The following LRRC71 variants were observed in gnomAD, a reference collection of about 807,000 sequenced individuals.
LRRC71 encodes leucine-rich repeat-containing protein 71.
LRRC71 carries 54 observed loss-of-function variants against 66.6 expected under a neutral mutation model. The ratio of observed to expected loss-of-function variants is 0.81; its 90% CI spans 0.65 to 1.02. LRRC71 has a LOEUF of 1.02. Among genes scored for constraint, LRRC71 ranks in the 50% least tolerant of loss-of-function variants. The pLI, the probability that LRRC71 is intolerant of heterozygous loss-of-function variation, is 0.00. For missense variants in LRRC71, 724 were observed against 718.0 expected (o/e 1.01, Z -0.10); for synonymous variants, 323 against 303.9 (o/e 1.06, Z -0.65).
At chr1:156,929,220 G>GC in intron 9 of LRRC71, 60 bp from the exon 10 acceptor site, 1 of 1,542,996 alleles carries the variant, frequency 6.5e-7, no homozygotes, top group Non-Finnish European at 8.8e-7. Flanking sequence ...TACCTTTCAT[G>GC]CCCCCATTGA....
At chr1:156,928,563 C>CTTTTTTTTTT (rs58180096) in intron 9 of LRRC71, among the ~76,000 whole-genome samples, 2 of 80,220 alleles carry the variant, frequency 2.5e-5, no homozygotes, top group Non-Finnish European at 4.5e-5. Context: ...CTTCTTCTTA[C>CTTTTTTTTTT]TTTTTTTTTT....
chr1:156,934,029 C>T (rs73006684), downstream of LRRC71, among the ~76,000 whole-genome samples: 3,328 of 152,292 alleles, frequency 0.022, 102 homozygotes, highest in African/African-American at 0.069. Context: ...GTGGAGCCAG[C>T]TTCACCAGGG....
At chr1:156,936,485 A>AATAAAAATAAAAAAAAAAAAAT (rs1486013206), downstream of LRRC71, among the ~76,000 whole-genome samples, 1 of 75,408 alleles carries the variant, frequency 1.3e-5, no homozygotes, top group African/African-American at 6.1e-5. Flanking sequence ...AAATAGAAAA[A>AATAAAAATAAAAAAAAAAAAAT]AAAAAAAAAA....
At chr1:156,929,788 C>A in intron 11 of LRRC71, 59 bp downstream of exon 11, 1 of 1,435,506 alleles carries the variant, frequency 7.0e-7, no homozygotes, top group South Asian at 1.3e-5. Context: ...GAGTGCCGGG[C>A]CGGGTGCAGG....
chr1:156,938,828 C>T, the LRRC71 span: 3 of 360,772 alleles, frequency 8.3e-6, no homozygotes, highest in South Asian at 9.7e-5. Flanking sequence ...GGCCCACTAG[C>T]GTGGAACCCC....
chr1:156,927,084 G>A, intron 5 of LRRC71, 118 bp from the exon 6 acceptor site: 1 of 805,378 alleles, frequency 1.2e-6, no homozygotes, highest in Non-Finnish European at 2.0e-6. Flanking sequence ...ATATTGGGGG[G>A]GCAATCCTTT....
In LRRC71 at chr1:156,924,707, A is replaced by G. The variant is rs1283730216; in HGVS notation, c.504A>G (p.Leu168=). ...FSKCLPPLTQ[L]QAINLWKVGL... ...AATGTCTGCCCCCGCTTACCCAGCT[A>G]CAGGCCATCAAGTGAGAGGCACTGA... is the stretch of plus-strand genomic sequence containing the variant. The change falls in exon 4 of 15, where the codon CTA becomes CTG. Residue 168 remains leucine, a synonymous_variant. Coordinates refer to ENST00000337428, the MANE Select transcript of LRRC71 (RefSeq NM_144702.3). 11 of 1,551,660 alleles carry G rather than the reference A, an allele frequency of 7.1e-6. No individual in the cohort carries two copies. The highest frequency in any genetic ancestry group is 9.6e-6 in the Non-Finnish European group (11 of 1,146,994).
chr1:156,933,150 T>A, downstream of LRRC71: 1 of 548,306 alleles, frequency 1.8e-6, no homozygotes, highest in Admixed American at 3.4e-5. Context: ...TTTGCGTCTG[T>A]CCATGTTACA....
chr1:156,937,269 G>A (rs139504725), downstream of LRRC71: 9 of 1,613,828 alleles, frequency 5.6e-6, no homozygotes, highest in African/African-American at 1.3e-5. Context: ...TTGAGCTTGA[G>A]AGTGAGCTGC....
downstream of LRRC71, among the ~76,000 whole-genome samples, chr1:156,934,305 T>C (rs1654712572): frequency 6.6e-6 from 1 of 152,182 alleles, no homozygotes; most frequent in Non-Finnish European, 1.5e-5. Flanking sequence ...TTTGTCACTT[T>C]AATCCAACAC....
At chr1:156,921,503 T>A (rs1652362951) in intron 1 of LRRC71, 3 of 340,360 alleles carry the variant, frequency 8.8e-6, no homozygotes, top group Non-Finnish European at 1.2e-5. Flanking sequence ...AGCTTCGTCA[T>A]CACGGGGACA....
At position 156,927,281 on chromosome 1, in the gene LRRC71, C is replaced by T. The variant is rs1653344432; in HGVS notation, c.662+11C>T. ...GGCCTTGGACAGCACGTGAGACTCCCTGCCCTCACCCCCTTTCTCTGGGCC... is the reference window on the plus strand; with the variant it reads ...GGCCTTGGACAGCACGTGAGACTCCTTGCCCTCACCCCCTTTCTCTGGGCC... On this transcript the variant is annotated intron_variant, in intron 6 of 14. Transcript: ENST00000337428. 1 of 1,612,412 alleles carries T rather than the reference C, an allele frequency of 6.2e-7. No homozygotes were observed. The highest frequency in any genetic ancestry group is 8.5e-7 in the Non-Finnish European group (1 of 1,178,798).
At chr1:156,928,632 G>A (rs1269831464) in intron 9 of LRRC71, among the ~76,000 whole-genome samples, 3 of 133,224 alleles carry the variant, frequency 2.3e-5, no homozygotes, top group Non-Finnish European at 4.6e-5. Flanking sequence ...GAGCAGTGGT[G>A]TGATCTCGGT....
Position 156,924,487 on chromosome 1 carries a change from G to A in LRRC71, c.374G>A (p.Arg125Gln), listed in dbSNP as rs913176720. 3 of 1,551,358 alleles carry A rather than the reference G, an allele frequency of 1.9e-6. No individual in the cohort carries two copies. The highest frequency in any genetic ancestry group is 1.7e-4 in the Middle Eastern group (1 of 5,992). Residue 125 changes from arginine to glutamine, a missense_variant, in exon 3 of 15, where the codon CGG becomes CAG. Transcript: ENST00000337428. The part of the protein sequence containing the change: ...NSLESKYVFF[R>Q]PTIQVELEQE... ...CTGGAGAGCAAATACGTGTTCTTCC[G>A]GCCCACCATCCAGGTGGAGCTGGAG...
intron 2 of LRRC71, 143 bp from the exon 3 acceptor site, chr1:156,924,281 G>T (rs1300811175): frequency 1.5e-6 from 2 of 1,321,924 alleles, no homozygotes; most frequent in Non-Finnish European, 2.0e-6. Flanking sequence ...CAGCAGAGGC[G>T]CGAGTGGCCG....
chr1:156,924,293 A>T (rs916893456), intron 2 of LRRC71, 131 bp from the exon 3 acceptor site: 33 of 1,357,808 alleles, frequency 2.4e-5, no homozygotes, highest in African/African-American at 4.4e-5. Flanking sequence ...GAGTGGCCGG[A>T]GAGGCAGAGT....
At chr1:156,929,786 G>C (rs968829472) in intron 11 of LRRC71, 57 bp downstream of exon 11, 1 of 1,452,134 alleles carries the variant, frequency 6.9e-7, no homozygotes, top group African/African-American at 1.4e-5. Flanking sequence ...AAGAGTGCCG[G>C]GCCGGGTGCA....
intron 1 of LRRC71, chr1:156,921,612 T>C (rs1458962114): frequency 1.0e-6 from 1 of 984,872 alleles, no homozygotes; most frequent in Non-Finnish European, 1.2e-6. Context: ...TGCTGGTGGA[T>C]GGGGAGAAGG....
At chr1:156,940,503 G>T in the LRRC71 span, 1 of 1,348,580 alleles carries the variant, frequency 7.4e-7, no homozygotes, top group Non-Finnish European at 1.0e-6. Context: ...CAGCTTTGGA[G>T]CCAAGGGGCT....
Sources: gnomAD v4.1 joint callset for allele counts (sites outside exome capture counted in the v4.1 genomes callset) on GRCh38, gnomAD v4.1.1 for gene constraint, MANE v1.5 for transcripts, NCBI Gene and HGNC (gene_info 2026-07-23, HGNC 2026-07-21) for gene names.